Variants in MDGA2 observed in about 807,000 individuals in gnomAD.
MDGA2 encodes the protein MAM domain-containing glycosylphosphatidylinositol anchor protein 2.
MDGA2 carries 40 observed loss-of-function variants against 117.8 expected under a neutral mutation model. The observed-to-expected ratio is 0.34, with a 90% CI of 0.26 to 0.44. MDGA2 has a LOEUF of 0.44. Ranked by LOEUF, MDGA2 falls within the 20% of genes least tolerant of loss-of-function variation. MDGA2 has a pLI of 1.00. For missense variants in MDGA2, 1,123 were observed against 1,250.6 expected (o/e 0.90, Z 1.54); for synonymous variants, 452 against 439.0 (o/e 1.03, Z -0.37).
chr14:47,139,180 A>G (rs543167594), intron 4 of MDGA2, among the ~76,000 whole-genome samples: 1 of 152,202 alleles, frequency 6.6e-6, no homozygotes, highest in African/African-American at 2.4e-5. Flanking sequence ...ACTTAAGTAG[A>G]CATATGATCT....
At chr14:47,090,683 G>A (rs1879600732) in intron 6 of MDGA2, among the ~76,000 whole-genome samples, 1 of 152,176 alleles carries the variant, frequency 6.6e-6, no homozygotes, top group Non-Finnish European at 1.5e-5. Flanking sequence ...TAATGATACT[G>A]TAGTTCTTCA....
intron 9 of MDGA2, among the ~76,000 whole-genome samples, chr14:46,922,796 T>A (rs1338006981): frequency 6.6e-6 from 1 of 152,210 alleles, no homozygotes. Flanking sequence ...GTCTTCTTCC[T>A]CCTCTGAGAC....
chr14:47,337,156 G>A (rs146299069), intron 1 of MDGA2, among the ~76,000 whole-genome samples: 37 of 152,018 alleles, frequency 2.4e-4, no homozygotes, highest in African/African-American at 6.5e-4. Context: ...TAGTGATACC[G>A]TTTTTATATA....
At chr14:47,296,407 A>G (rs1229490282) in intron 2 of MDGA2, among the ~76,000 whole-genome samples, 1 of 152,216 alleles carries the variant, frequency 6.6e-6, no homozygotes, top group Non-Finnish European at 1.5e-5. Flanking sequence ...TTTATCAGCA[A>G]TTGAATTTAT....
At chr14:47,017,451 T>C (rs1333893197) in intron 8 of MDGA2, among the ~76,000 whole-genome samples, 1 of 151,986 alleles carries the variant, frequency 6.6e-6, no homozygotes, top group Admixed American at 6.5e-5. Context: ...CTATATTATG[T>C]CCAGCTACAA....
intron 1 of MDGA2, among the ~76,000 whole-genome samples, chr14:47,421,680 C>T (rs1028384175): frequency 4.6e-5 from 7 of 151,888 alleles, no homozygotes; most frequent in South Asian, 2.1e-4. Flanking sequence ...AATATACAAC[C>T]GATGCATGTG....
intron 3 of MDGA2, among the ~76,000 whole-genome samples, chr14:47,180,946 CAAACAA>C (rs963210016): frequency 1.4e-4 from 21 of 151,998 alleles, no homozygotes; most frequent in African/African-American, 4.6e-4. Context: ...AAAAATAAAA[CAAACAA>C]AAACAAAAAC....
intron 14 of MDGA2, among the ~76,000 whole-genome samples, chr14:46,865,625 T>C (rs1164579377): frequency 6.6e-6 from 1 of 152,024 alleles, no homozygotes; most frequent in Admixed American, 6.6e-5. Context: ...ACGACATGAT[T>C]GTATATCTAG....
At chr14:47,627,638 C>T (rs972531981) in intron 1 of MDGA2, among the ~76,000 whole-genome samples, 4 of 152,176 alleles carry the variant, frequency 2.6e-5, no homozygotes, top group African/African-American at 9.7e-5. Flanking sequence ...GACCAATCGG[C>T]TCTCTGTAAA....
chr14:47,278,476 T>C (rs1888377293), intron 2 of MDGA2, among the ~76,000 whole-genome samples: 2 of 151,962 alleles, frequency 1.3e-5, no homozygotes, highest in Non-Finnish European at 2.9e-5. Flanking sequence ...GCTTTCACCA[T>C]AAACTGTCAG....
At chr14:47,085,853 G>T (rs1890876732) in intron 6 of MDGA2, among the ~76,000 whole-genome samples, 1 of 151,944 alleles carries the variant, frequency 6.6e-6, no homozygotes, top group Admixed American at 6.6e-5. Flanking sequence ...GCCAGTCATT[G>T]CACAAAGCAA....
chr14:47,575,060 A>G (rs533668198), intron 1 of MDGA2, among the ~76,000 whole-genome samples: 1 of 152,300 alleles, frequency 6.6e-6, no homozygotes, highest in South Asian at 2.1e-4. Context: ...TGGAACACCC[A>G]TGGCTTATTT....
chr14:46,929,620 T>C (rs1566530235), intron 9 of MDGA2, among the ~76,000 whole-genome samples: 3 of 26,712 alleles, frequency 1.1e-4, no homozygotes, highest in Non-Finnish European at 2.5e-4. Flanking sequence ...TATATATATA[T>C]ATATATATAT....
intron 1 of MDGA2, among the ~76,000 whole-genome samples, chr14:47,389,008 T>C (rs1045087849): frequency 6.6e-6 from 1 of 152,236 alleles, no homozygotes; most frequent in Admixed American, 6.5e-5. Context: ...GATGTCTAAA[T>C]GTTAAAAATT....
intron 16 of MDGA2, among the ~76,000 whole-genome samples, chr14:46,845,330 T>G (rs909835196): frequency 1.1e-4 from 17 of 152,220 alleles, no homozygotes; most frequent in African/African-American, 4.1e-4. Context: ...TGTGAGTCAA[T>G]TAAATCTCTT....
chr14:46,849,348 A>C (rs763014452), intron 15 of MDGA2, among the ~76,000 whole-genome samples: 9 of 151,878 alleles, frequency 5.9e-5, no homozygotes, highest in African/African-American at 1.4e-4. Context: ...ATTTTTTAAC[A>C]GGTTGAATTT....
rs111650316 is a variant in MDGA2 at position 47,225,713 on chromosome 14, A to G, written c.421-7518T>C. Among the ~76,000 whole-genome samples the G allele has an allele frequency of 1.0e-3, 154 of 152,068 alleles. 2 individuals carry two copies. The highest frequency in any genetic ancestry group is 3.8e-3 in the South Asian group (18 of 4,798). On this transcript the variant is annotated intron_variant, in intron 2 of 16. Coordinates refer to ENST00000399232, the MANE Select transcript of MDGA2 (RefSeq NM_001113498.3). ...GCATTAGGAGATATACCTAATGCTA[A>G]ATGACGAGTTAATGGGTGCAGCGCA... is the stretch of plus-strand genomic sequence containing the variant.
intron 3 of MDGA2, among the ~76,000 whole-genome samples, chr14:47,203,348 A>G (rs1885576956): frequency 6.6e-6 from 1 of 151,950 alleles, no homozygotes; most frequent in African/African-American, 2.4e-5. Flanking sequence ...AGATGGGGAA[A>G]GAGATTTGTT....
intron 10 of MDGA2, among the ~76,000 whole-genome samples, chr14:46,904,491 A>G (rs781770154): frequency 1.3e-4 from 20 of 152,170 alleles, no homozygotes; most frequent in Non-Finnish European, 2.1e-4. Context: ...ATTGGGTCGA[A>G]TCTACAAAAG....
Sources: allele counts gnomAD v4.1 joint callset (sites outside exome capture counted in the v4.1 genomes callset), GRCh38; gene constraint gnomAD v4.1.1; transcripts MANE v1.5; gene names NCBI Gene and HGNC (gene_info 2026-07-23, HGNC 2026-07-21).